ANK3: variants seen among roughly 807,000 people sequenced by gnomAD.
ANK3 encodes the protein ankyrin-3.
Under a neutral mutation model 370.9 loss-of-function variants are expected in ANK3, and 57 were observed. That is an observed-to-expected ratio of 0.15 (90% CI 0.12 to 0.19). ANK3 has a LOEUF of 0.19. Among genes scored for constraint, ANK3 ranks in the 10% least tolerant of loss-of-function variants. The pLI is 1.00. For missense variants in ANK3, 4,439 were observed against 5,302.1 expected, an observed-to-expected ratio of 0.84 and a Z score of 5.06; for synonymous variants, 1,929 against 1,946.3, an observed-to-expected ratio of 0.99 and a Z score of 0.23.
chr10:60,382,911 C>G (rs1265325037), intron 1 of ANK3, among the ~76,000 whole-genome samples: 1 of 150,516 alleles, frequency 6.6e-6, no homozygotes, highest in Non-Finnish European at 1.5e-5. Flanking sequence ...AAGGAATATA[C>G]AAATCTAGAT....
chr10:60,174,514 A>T (rs1211120405), intron 18 of ANK3, among the ~76,000 whole-genome samples: 1 of 117,336 alleles, frequency 8.5e-6, no homozygotes, highest in Non-Finnish European at 1.7e-5. Flanking sequence ...TAATGTGTCC[A>T]ATCAGTGCTC....
Position 60,063,189 on chromosome 10 carries a change from G to A in ANK3, c.12517C>T (p.Pro4173Ser). The change falls in exon 40 of 44, where the codon CCA becomes TCA. Residue 4173 changes from proline (P) to serine (S), a missense_variant. By Grantham distance (74) the Pro-to-Ser change is moderately conservative. Transcript: ENST00000280772. ...RIDIVTLLEG[P>S]IFDYGNISGT... is the part of the protein sequence containing the mutation. ...GAAATATTTCCATAATCAAATATTG[G>A]TCCTTCTAGCAGTGTCACTATATCT... is the stretch of plus-strand genomic sequence containing the variant. 6.2e-7 allele frequency: 1 copy of A among 1,613,416 alleles called. No homozygotes were observed. Among genetic ancestry groups the A allele is most frequent in the Non-Finnish European group, 8.5e-7 (1 of 1,179,696 alleles).
intron 2 of ANK3, among the ~76,000 whole-genome samples, chr10:60,452,983 T>C (rs1262830419): frequency 6.6e-6 from 1 of 152,222 alleles, no homozygotes; most frequent in Non-Finnish European, 1.5e-5. Flanking sequence ...ACATCTTCTC[T>C]GCTTCACATG....
At chr10:60,572,887 T>C (rs2077631894) in intron 2 of ANK3, 3 of 1,029,334 alleles carry the variant, frequency 2.9e-6, no homozygotes, top group Admixed American at 5.3e-5. Context: ...CTGGAAATGG[T>C]GAGAGAGAGA....
At chr10:60,485,323 C>T (rs980360334) in intron 2 of ANK3, among the ~76,000 whole-genome samples, 28 of 152,212 alleles carry the variant, frequency 1.8e-4, no homozygotes, top group Middle Eastern at 6.8e-3. Flanking sequence ...GCTACAGTCT[C>T]GGCAAGTCCT....
intron 2 of ANK3, among the ~76,000 whole-genome samples, chr10:60,447,525 T>C (rs1233480409): frequency 6.6e-6 from 1 of 152,122 alleles, no homozygotes; most frequent in Non-Finnish European, 1.5e-5. Context: ...TCATTGACAT[T>C]AACTGAAATA....
chr10:60,458,045 G>A (rs1427807570), intron 2 of ANK3, among the ~76,000 whole-genome samples: 1 of 151,998 alleles, frequency 6.6e-6, no homozygotes, highest in African/African-American at 2.4e-5. Flanking sequence ...AATAAAAGGG[G>A]TAAGGATGGA....
At chr10:60,551,986 A>G (rs72822817) in intron 2 of ANK3, among the ~76,000 whole-genome samples, 16,413 of 152,140 alleles carry the variant, frequency 0.11, 984 homozygotes, top group South Asian at 0.19. Flanking sequence ...CCAACCTACT[A>G]TCTGAAAATT....
chr10:60,138,899 A>G, intron 24 of ANK3, 65 bp downstream of exon 24: 1 of 1,592,032 alleles, frequency 6.3e-7, no homozygotes, highest in Non-Finnish European at 8.6e-7. Flanking sequence ...AATGAACATG[A>G]TTTTGATTTA....
chr10:60,181,228 T>C lies in ANK3; in HGVS notation c.2184+101A>G, dbSNP rs1265716676. On this transcript the variant is annotated intron_variant, in intron 18 of 43. Transcript: ENST00000280772. ...TTTAAAATACTACGTAGAAAAGAGA[T>C]GATTAAAGGGTTTGTTCTCCTGATA... 3.9e-6 allele frequency: 4 copies of C among 1,022,362 alleles called. No individual in the cohort carries two copies. The Admixed American group carries it at 5.8e-5, about 15-fold the overall frequency. The allele number at this position is 1,022,362 out of a possible 1,614,324, so 63.3% of individuals were successfully genotyped here.
rs150473027 is a variant in ANK3 at position 60,478,502 on chromosome 10, T to C, written c.96+136684A>G. On this transcript the variant is annotated intron_variant, in intron 2 of 43. Coordinates refer to the ANK3 transcript ENST00000373827. ...AGCAAATATTTAAAGACAATTGAGATGAAATAAATGGTTATTCTTTCAAGA... is the reference window on the plus strand; with the variant it reads ...AGCAAATATTTAAAGACAATTGAGACGAAATAAATGGTTATTCTTTCAAGA... 3.9e-3 allele frequency among the ~76,000 whole-genome samples: 599 copies of C among 152,222 alleles called. 4 individuals are homozygous for C. The highest frequency in any genetic ancestry group is 0.013 in the African/African-American group (546 of 41,572).
intron 40 of ANK3, chr10:60,059,880 C>T (rs2131930312): frequency 6.2e-7 from 1 of 1,614,212 alleles, no homozygotes; most frequent in East Asian, 2.2e-5. Context: ...ACTCAGTCTA[C>T]TAGGGGTTCT....
chr10:60,383,973 A>G (rs530685649), intron 1 of ANK3, among the ~76,000 whole-genome samples: 1 of 152,328 alleles, frequency 6.6e-6, no homozygotes, highest in South Asian at 2.1e-4. Flanking sequence ...GACTGCTAGC[A>G]TCTCATTACA....
At chr10:60,469,805 T>C (rs2065171214) in intron 2 of ANK3, among the ~76,000 whole-genome samples, 1 of 150,920 alleles carries the variant, frequency 6.6e-6, no homozygotes, top group Non-Finnish European at 1.5e-5. Flanking sequence ...ATCAACACAT[T>C]ATCAATTAGT....
chr10:60,385,906 C>A lies in ANK3; in HGVS notation c.114+3519G>T, dbSNP rs75000371. 4.9e-3 allele frequency among the ~76,000 whole-genome samples: 753 copies of A among 152,174 alleles called. 3 individuals are homozygous for A. The highest frequency in any genetic ancestry group is 0.018 in the African/African-American group (732 of 41,492). ...AATTAGGGTCAATTCTAGTAATATC[C>A]CTCACTGTTGAAACGTATTTTATAG... On this transcript the variant is annotated intron_variant, in intron 1 of 43. Coordinates refer to ENST00000280772, the MANE Select transcript of ANK3 (RefSeq NM_020987.5).
intron 1 of ANK3, among the ~76,000 whole-genome samples, chr10:60,348,483 C>T (rs755267814): frequency 3.9e-5 from 6 of 151,990 alleles, no homozygotes; most frequent in African/African-American, 7.3e-5. Flanking sequence ...AGGGTAAGAT[C>T]GACTTGGGTT....
chr10:60,452,991 A>G (rs1567052983), intron 2 of ANK3, among the ~76,000 whole-genome samples: 1 of 152,204 alleles, frequency 6.6e-6, no homozygotes, highest in Admixed American at 6.5e-5. Context: ...TCTGCTTCAC[A>G]TGGCAGCAGG....
At chr10:60,529,559 G>GTTTTCCTCC (rs1260300594) in intron 2 of ANK3, among the ~76,000 whole-genome samples, 1 of 152,040 alleles carries the variant, frequency 6.6e-6, no homozygotes, top group Admixed American at 6.6e-5. Flanking sequence ...TAGTAAGCTG[G>GTTTTCCTCC]TTTTCCTCCT....
chr10:60,028,739 T>G lies in ANK3; in HGVS notation c.*1107A>C, dbSNP rs1014467908. 3 of 152,642 alleles carry G rather than the reference T, an allele frequency of 2.0e-5. No individual in the cohort carries two copies. The highest frequency in any genetic ancestry group is 7.2e-5 in the African/African-American group (3 of 41,454). The allele number at this position is 152,642 out of a possible 1,614,324, so 9.5% of individuals were successfully genotyped here. A position where few individuals can be genotyped will look rare whatever the true frequency, so the allele number is the denominator to read the frequency against. ...GGATTTCTGTTCAGTCCTTTTTAAATACCCCCGACTGGGGCCTTTTATGAG... is the reference window on the plus strand; with the variant it reads ...GGATTTCTGTTCAGTCCTTTTTAAAGACCCCCGACTGGGGCCTTTTATGAG... On this transcript the variant is annotated 3_prime_UTR_variant, in exon 44 of 44. Coordinates refer to ENST00000280772, the MANE Select transcript of ANK3 (RefSeq NM_020987.5).
Sources: gnomAD v4.1 joint callset for allele counts (sites outside exome capture counted in the v4.1 genomes callset) on GRCh38, gnomAD v4.1.1 for gene constraint, MANE v1.5 for transcripts, NCBI Gene and HGNC (gene_info 2026-07-23, HGNC 2026-07-21) for gene names.